HBS1L: variants seen among roughly 807,000 people sequenced by gnomAD.
The protein encoded by HBS1L is HBS1-like protein.
HBS1L carries 55 observed loss-of-function variants against 88.9 expected under a neutral mutation model. The observed-to-expected ratio is 0.62, with a 90% CI of 0.50 to 0.77. The LOEUF (loss-of-function observed/expected upper bound fraction) is 0.77, where lower values mean the gene tolerates loss of function less well. Ranked by LOEUF, HBS1L falls within the 30% of genes least tolerant of loss-of-function variation. The probability of loss-of-function intolerance (pLI) is 0.00; values close to 1 mark genes in which losing one functional copy is unlikely to be tolerated. For synonymous variants in HBS1L, 267 were observed against 288.5 expected (o/e 0.93, Z 0.76); for missense variants, 741 against 829.3 (o/e 0.89, Z 1.31).
intron 4 of HBS1L, chr6:135,038,123 A>G: frequency 2.3e-6 from 2 of 872,748 alleles, no homozygotes; most frequent in Non-Finnish European, 3.4e-6. Flanking sequence ...GAGGCATTTA[A>G]TTACTAAATG....
chr6:135,042,206 T>C, intron 2 of HBS1L, 80 bp from the exon 3 acceptor site: 2 of 1,320,302 alleles, frequency 1.5e-6, no homozygotes, highest in Non-Finnish European at 1.0e-6. Context: ...AAAGTAAAAA[T>C]TAAAAATTCT....
intron 5 of HBS1L, among the ~76,000 whole-genome samples, chr6:135,000,222 A>ATTTTTTTTTTTTTTTTTTTTTTTTTTTT (rs33946758): frequency 7.7e-6 from 1 of 129,444 alleles, no homozygotes; most frequent in Non-Finnish European, 1.5e-5. Context: ...TACCCAGCTA[A>ATTTTTTTTTTTTTTTTTTTTTTTTTTTT]TTTTTTTTTT....
intron 4 of HBS1L, among the ~76,000 whole-genome samples, chr6:135,039,007 T>C (rs891224781): frequency 1.3e-5 from 2 of 152,180 alleles, no homozygotes; most frequent in African/African-American, 2.4e-5. Context: ...ATTTCCACTA[T>C]GTTGTTATAA....
At chr6:134,974,673 T>G (rs188378338) in intron 15 of HBS1L, among the ~76,000 whole-genome samples, 2 of 149,878 alleles carry the variant, frequency 1.3e-5, no homozygotes, top group Admixed American at 1.3e-4. Context: ...GATGATCATC[T>G]CAATAGATGC....
At chr6:135,031,857 G>A (rs553764022) in intron 4 of HBS1L, among the ~76,000 whole-genome samples, 56 of 148,780 alleles carry the variant, frequency 3.8e-4, no homozygotes, top group African/African-American at 1.4e-3. Flanking sequence ...TTTTGAGATG[G>A]GGTCTCACCA....
intron 13 of HBS1L, chr6:134,979,480 G>T: frequency 2.1e-6 from 1 of 466,354 alleles, no homozygotes; most frequent in East Asian, 3.4e-5. Flanking sequence ...AACATAAAGT[G>T]ACTTGTATTT....
intron 16 of HBS1L, among the ~76,000 whole-genome samples, chr6:134,967,980 G>C (rs529431466): frequency 1.3e-5 from 2 of 152,246 alleles, no homozygotes; most frequent in Admixed American, 6.5e-5. Context: ...CTACCTTTAG[G>C]AGAGAGGTAA....
At chr6:134,982,431 T>C (rs1774856454) in intron 13 of HBS1L, 27 bp downstream of exon 13, 1 of 1,419,806 alleles carries the variant, frequency 7.0e-7, no homozygotes, top group Non-Finnish European at 9.9e-7. Flanking sequence ...AAGGCTTGTT[T>C]AGCAAAAGCA....
intron 4 of HBS1L, among the ~76,000 whole-genome samples, chr6:135,004,851 T>C (rs1775567527): frequency 6.6e-6 from 1 of 152,092 alleles, no homozygotes; most frequent in Non-Finnish European, 1.5e-5. Context: ...TAATTGGTAA[T>C]TGAAGACATA....
chr6:135,051,599 C>T (rs1777085940), intron 1 of HBS1L, among the ~76,000 whole-genome samples: 1 of 152,172 alleles, frequency 6.6e-6, no homozygotes, highest in South Asian at 2.1e-4. Flanking sequence ...AAGCAGTAAG[C>T]CCCTCTGCTA....
intron 2 of HBS1L, among the ~76,000 whole-genome samples, chr6:135,049,720 C>T (rs1028240884): frequency 6.6e-5 from 10 of 152,096 alleles, no homozygotes; most frequent in Non-Finnish European, 1.3e-4. Flanking sequence ...TACAGGCACT[C>T]GCCACCATGC....
intron 4 of HBS1L, among the ~76,000 whole-genome samples, chr6:135,015,872 C>T (rs535249507): frequency 1.0e-4 from 15 of 144,146 alleles, no homozygotes; most frequent in Non-Finnish European, 2.0e-4. Context: ...CATGAGCTAA[C>T]GAGCCCAGCC....
At chr6:135,017,099 A>C (rs953482066) in intron 4 of HBS1L, among the ~76,000 whole-genome samples, 1 of 152,228 alleles carries the variant, frequency 6.6e-6, no homozygotes, top group Non-Finnish European at 1.5e-5. Flanking sequence ...TTTGCAAATT[A>C]ATAATCACCT....
chr6:135,039,462 T>C (rs1235005353), intron 4 of HBS1L, 111 bp downstream of exon 4: 1 of 892,976 alleles, frequency 1.1e-6, no homozygotes, highest in Non-Finnish European at 1.7e-6. Context: ...ACATGCAAGA[T>C]TTTAATAGCT....
chr6:134,962,998 G>A lies in HBS1L; in HGVS notation c.*2281C>T, dbSNP rs1774218911. On this transcript the variant is annotated 3_prime_UTR_variant, in exon 18 of 18. Transcript: ENST00000367837. ...AAAAAGATTGTACTTAAACACTATT[G>A]GAGAAGGAAGGAATGAATAAATGCA... The A allele has an allele frequency of 6.6e-6, 1 of 152,072 alleles. No individual in the cohort carries two copies. The highest frequency in any genetic ancestry group is 2.1e-4 in the South Asian group (1 of 4,824). 9.4% of individuals were successfully genotyped at this position (152,072 alleles called of 1,614,324 possible). A position where few individuals can be genotyped will look rare whatever the true frequency, so the allele number is the denominator to read the frequency against.
In HBS1L at chr6:135,022,319, C is replaced by CA. The variant is rs57255370; in HGVS notation, c.430+17253dup. Among the ~76,000 whole-genome samples the CA allele has an allele frequency of 5.3e-3, 661 of 124,420 alleles. 2 individuals are homozygous for CA. Among genetic ancestry groups the CA allele is most frequent in the Middle Eastern group, 0.023 (5 of 216 alleles). 81.6% of individuals were successfully genotyped at this position (124,420 alleles called of 152,430 possible). ...TACATGTGATTAGAATTTGTAAGGT[C>CA]AAAAAAAAAAAAAGCAAGGTAATTA... is the stretch of plus-strand genomic sequence containing the variant. On this transcript the variant is annotated intron_variant, in intron 4 of 17. Coordinates refer to ENST00000367837, the MANE Select transcript of HBS1L (RefSeq NM_006620.4).
chr6:135,023,174 C>G (rs2114860650), intron 4 of HBS1L, among the ~76,000 whole-genome samples: 1 of 152,102 alleles, frequency 6.6e-6, no homozygotes, highest in South Asian at 2.1e-4. Flanking sequence ...GCCGGGCACA[C>G]TGGCTCACGC....
intron 4 of HBS1L, among the ~76,000 whole-genome samples, chr6:135,004,858 CATAG>C (rs1775567603): frequency 6.6e-6 from 1 of 152,102 alleles, no homozygotes; most frequent in Non-Finnish European, 1.5e-5. Flanking sequence ...TAATTGAAGA[CATAG>C]ATACAGGCGA....
intron 4 of HBS1L, among the ~76,000 whole-genome samples, chr6:135,034,869 C>T (rs930887170): frequency 6.6e-6 from 1 of 152,158 alleles, no homozygotes; most frequent in Non-Finnish European, 1.5e-5. Flanking sequence ...GGTTCTCGAA[C>T]AGAAATACAC....
Sources: gnomAD v4.1 joint callset for allele counts (sites outside exome capture counted in the v4.1 genomes callset) on GRCh38, gnomAD v4.1.1 for gene constraint, MANE v1.5 for transcripts, NCBI Gene and HGNC (gene_info 2026-07-23, HGNC 2026-07-21) for gene names.